KIAA1549L: variants seen among roughly 807,000 people sequenced by gnomAD.
KIAA1549L encodes the protein UPF0606 protein KIAA1549L.
KIAA1549L carries 88 observed loss-of-function variants against 160.7 expected under a neutral mutation model. The ratio of observed to expected loss-of-function variants is 0.55; its 90% CI spans 0.46 to 0.65. The LOEUF (loss-of-function observed/expected upper bound fraction) is 0.65, where lower values mean the gene tolerates loss of function less well. Ranked by LOEUF, KIAA1549L falls within the 30% of genes least tolerant of loss-of-function variation. The pLI is 0.00. For synonymous variants in KIAA1549L, 950 were observed against 976.7 expected (o/e 0.97, Z 0.51); for missense variants, 2,258 against 2,437.5 (o/e 0.93, Z 1.55).
chr11:33,440,120 C>CTTTTTTTTTTTTTTTTTTTTTT lies in KIAA1549L; in HGVS notation c.238+63237_238+63258dup, dbSNP rs201551936. 2.0e-4 allele frequency among the ~76,000 whole-genome samples: 17 copies of CTTTTTTTTTTTTTTTTTTTTTT among 83,430 alleles called. 5 individuals carry two copies. The highest frequency in any genetic ancestry group is 4.2e-4 in the Non-Finnish European group (17 of 40,746). The allele number at this position is 83,430 out of a possible 152,430, so 54.7% of individuals were successfully genotyped here. A position where few individuals can be genotyped will look rare whatever the true frequency, so the allele number is the denominator to read the frequency against. On this transcript the variant is annotated intron_variant, in intron 1 of 20. Coordinates refer to ENST00000658780, the MANE Select transcript of KIAA1549L (RefSeq NM_012194.3). ...GGTTATTTCCTCACCTATTTTGTTT[C>CTTTTTTTTTTTTTTTTTTTTTT]TTTTTTTTTTTTTTTTTTTTTTTTT...
At chr11:33,508,490 A>G (rs1173634731) in intron 1 of KIAA1549L, among the ~76,000 whole-genome samples, 3 of 152,218 alleles carry the variant, frequency 2.0e-5, no homozygotes, top group Non-Finnish European at 4.4e-5. Context: ...GTGAAAATGA[A>G]TGGCTGCTGG....
intron 1 of KIAA1549L, among the ~76,000 whole-genome samples, chr11:33,522,136 G>A (rs1853510036): frequency 6.6e-6 from 1 of 151,996 alleles, no homozygotes; most frequent in South Asian, 2.1e-4. Context: ...TAAACATATT[G>A]TTATCTTTTT....
chr11:33,480,070 G>T (rs188230161), intron 1 of KIAA1549L, among the ~76,000 whole-genome samples: 1 of 152,056 alleles, frequency 6.6e-6, no homozygotes, highest in Non-Finnish European at 1.5e-5. Context: ...GTGTGCACGC[G>T]TGCTTAAAAT....
intron 8 of KIAA1549L, among the ~76,000 whole-genome samples, chr11:33,564,296 C>T (rs1376065751): frequency 2.6e-5 from 4 of 152,212 alleles, no homozygotes; most frequent in African/African-American, 9.7e-5. Flanking sequence ...AGACATGCAT[C>T]ACAGGCTTTC....
intron 13 of KIAA1549L, among the ~76,000 whole-genome samples, chr11:33,605,578 C>T (rs532133263): frequency 9.2e-5 from 14 of 152,272 alleles, no homozygotes; most frequent in African/African-American, 3.4e-4. Context: ...TAACAATTTA[C>T]TTGGCTTAAT....
chr11:33,570,477 C>T (rs1377840658), intron 9 of KIAA1549L, among the ~76,000 whole-genome samples: 2 of 152,074 alleles, frequency 1.3e-5, no homozygotes, highest in Admixed American at 6.5e-5. Context: ...TAAGTTGAAA[C>T]TGAGAGAAAC....
At chr11:33,457,085 T>C (rs998058767) in intron 1 of KIAA1549L, among the ~76,000 whole-genome samples, 6 of 152,182 alleles carry the variant, frequency 3.9e-5, no homozygotes, top group African/African-American at 1.4e-4. Flanking sequence ...AGTTACCGGC[T>C]GGGTATGGGG....
At chr11:33,388,543 T>C (rs1235092264) in intron 1 of KIAA1549L, among the ~76,000 whole-genome samples, 1 of 151,140 alleles carries the variant, frequency 6.6e-6, no homozygotes. Context: ...TTTATATCCA[T>C]AGACGTAGCC....
In KIAA1549L at chr11:33,542,495, G is replaced by A; in HGVS notation, c.932G>A (p.Gly311Asp). Reference sequence around the variant, plus strand: ...TCCCAAAATGCCCAGGATCTCATAGGCATCCCTCATCTAGGTGTTTCTGGA... The same window carrying A: ...TCCCAAAATGCCCAGGATCTCATAGACATCCCTCATCTAGGTGTTTCTGGA... ...TASQNAQDLIGIPHLGVSGSS... is the reference protein window; with the variant it reads ...TASQNAQDLIDIPHLGVSGSS... The change falls in exon 2 of 21, where the codon GGC becomes GAC. Residue 311 changes from glycine to aspartate, a missense_variant. Gly to Asp is a moderately conservative substitution (Grantham distance 94, BLOSUM62 -1). This residue lies in a region of KIAA1549L where 540 missense variants were observed against 465.7 expected (regional missense o/e 1.16). Coordinates refer to ENST00000658780, the MANE Select transcript of KIAA1549L (RefSeq NM_012194.3). 2.5e-6 allele frequency: 4 copies of A among 1,613,392 alleles called. No homozygotes were observed. Among genetic ancestry groups the A allele is most frequent in the Non-Finnish European group, 3.4e-6 (4 of 1,179,498 alleles).
chr11:33,488,030 T>C (rs183699197), intron 1 of KIAA1549L, among the ~76,000 whole-genome samples: 25 of 152,368 alleles, frequency 1.6e-4, no homozygotes, highest in Admixed American at 7.8e-4. Context: ...CCTCCTATTA[T>C]GGATGTGATC....
At chr11:33,394,983 C>A (rs184936720) in intron 1 of KIAA1549L, among the ~76,000 whole-genome samples, 129 of 152,304 alleles carry the variant, frequency 8.5e-4, no homozygotes, top group African/African-American at 2.9e-3. Context: ...CAGGGAGAGG[C>A]TGAAACACGT....
intron 8 of KIAA1549L, among the ~76,000 whole-genome samples, chr11:33,564,508 C>A (rs1486175538): frequency 6.6e-6 from 1 of 152,220 alleles, no homozygotes; most frequent in Non-Finnish European, 1.5e-5. Flanking sequence ...CCTGAAGTCT[C>A]TTTACAGAGA....
intron 12 of KIAA1549L, among the ~76,000 whole-genome samples, chr11:33,597,568 C>A (rs1486536854): frequency 6.6e-6 from 1 of 152,194 alleles, no homozygotes; most frequent in Non-Finnish European, 1.5e-5. Flanking sequence ...CCGCTAGATA[C>A]CTGCCTCCCG....
chr11:33,504,431 T>TTTCCCTTCCCTTCCC (rs562710568), intron 1 of KIAA1549L, among the ~76,000 whole-genome samples: 36 of 150,688 alleles, frequency 2.4e-4, no homozygotes, highest in African/African-American at 8.6e-4. Context: ...TCATTGCAGA[T>TTTCCCTTCCCTTCCC]TTCCCTTCCC....
intron 10 of KIAA1549L, 92 bp downstream of exon 10, chr11:33,574,965 C>T: frequency 9.5e-7 from 1 of 1,050,954 alleles, no homozygotes. Context: ...TTAATGGTCT[C>T]AGAGCTAAAC....
rs1024098239 is a variant in KIAA1549L, at chr11:33,528,911, A to G, written c.239-12891A>G. On this transcript the variant is annotated intron_variant, in intron 1 of 20. Transcript: ENST00000658780. ...GGTTGATGGGTAAATCTCAGAAATC[A>G]CCACTAAAGAACTTTTCCATACAAC... is the stretch of plus-strand genomic sequence containing the variant. 9.2e-5 allele frequency among the ~76,000 whole-genome samples: 14 copies of G among 152,314 alleles called. No individual in the cohort carries two copies. The South Asian group carries it at 1.0e-3, about 11-fold the overall frequency.
At position 33,668,426 on chromosome 11, in the gene KIAA1549L, C is replaced by A. The variant is rs1288527726; in HGVS notation, c.*272C>A. 16 of 488,268 alleles carry A rather than the reference C, an allele frequency of 3.3e-5. No individual in the cohort carries two copies. Among genetic ancestry groups the A allele is most frequent in the Non-Finnish European group, 5.2e-5 (14 of 271,772 alleles). The allele number at this position is 488,268 out of a possible 1,614,324, so 30.2% of individuals were successfully genotyped here. ...AAATGTTTGAACTTTGGGCATGTGC[C>A]CTATGGAAGCTTAGTCACAAGAGGC... On this transcript the variant is annotated 3_prime_UTR_variant, in exon 21 of 21. Coordinates refer to ENST00000658780, the MANE Select transcript of KIAA1549L (RefSeq NM_012194.3).
intron 1 of KIAA1549L, among the ~76,000 whole-genome samples, chr11:33,433,678 T>C (rs1851297302): frequency 6.6e-6 from 1 of 152,018 alleles, no homozygotes; most frequent in African/African-American, 2.4e-5. Flanking sequence ...AGCAAAGACA[T>C]GGAACCAACC....
At chr11:33,495,869 A>G (rs7124937) in intron 1 of KIAA1549L, among the ~76,000 whole-genome samples, 106,552 of 150,918 alleles carry the variant, frequency 0.71, 38,164 homozygotes, top group African/African-American at 0.83. Context: ...GCATTTCTCT[A>G]ATGGCCAGTG....
Sources: gnomAD v4.1 joint callset for allele counts (sites outside exome capture counted in the v4.1 genomes callset) on GRCh38, gnomAD v4.1.1 for gene constraint, gnomAD v4.1.1 regional missense constraint, MANE v1.5 for transcripts, NCBI Gene and HGNC (gene_info 2026-07-23, HGNC 2026-07-21) for gene names.